Variants in IGF2R observed in about 807,000 individuals in gnomAD.
IGF2R encodes the protein cation-independent mannose-6-phosphate receptor.
In IGF2R, 91 loss-of-function variants were observed where a neutral mutation model predicts 270.6. That is an observed-to-expected ratio of 0.34 (90% CI 0.28 to 0.40). IGF2R has a LOEUF of 0.40. Ranked by LOEUF, IGF2R falls within the 10% of genes least tolerant of loss-of-function variation. IGF2R has a pLI of 1.00. For missense variants in IGF2R, 2,805 were observed against 3,188.3 expected, an observed-to-expected ratio of 0.88 and a Z score of 2.90; for synonymous variants, 1,316 against 1,258.9, an observed-to-expected ratio of 1.05 and a Z score of -0.96.
chr6:160,006,117 C>T (rs1784224569), intron 2 of IGF2R: 2 of 159,998 alleles, frequency 1.3e-5, no homozygotes, highest in Non-Finnish European at 2.7e-5. Flanking sequence ...ACCCTGCATG[C>T]CCCGTGTGCC....
rs751472792 is a variant in IGF2R, at chr6:160,073,725, G to A, written c.4948-32G>A. The A allele has an allele frequency of 1.2e-5, 19 of 1,572,712 alleles. No homozygotes were observed. In the South Asian group the frequency reaches 2.2e-4, roughly 18 times the overall value. ...TAGTGGTGATTAGGAAAATTTTTTT[G>A]TAGACTCAAAGCAGTCTTTCCTACT... is the stretch of plus-strand genomic sequence containing the variant. On this transcript the variant is annotated intron_variant, in intron 34 of 47. Transcript: ENST00000356956.
intron 12 of IGF2R, 28 bp from the exon 13 acceptor site, chr6:160,044,486 T>G (rs1381478031): frequency 1.3e-6 from 2 of 1,555,680 alleles, no homozygotes; most frequent in Non-Finnish European, 8.8e-7. Flanking sequence ...TAACCACATC[T>G]TCTGTTTTCT....
chr6:159,992,390 C>T (rs1477907207), intron 2 of IGF2R, among the ~76,000 whole-genome samples: 1 of 152,122 alleles, frequency 6.6e-6, no homozygotes, highest in Non-Finnish European at 1.5e-5. Context: ...TCTGAGTCTC[C>T]AGTGTCTGTT....
chr6:160,015,661 G>A (rs534871787), intron 4 of IGF2R, among the ~76,000 whole-genome samples: 2 of 152,288 alleles, frequency 1.3e-5, no homozygotes, highest in African/African-American at 4.8e-5. Flanking sequence ...TTGCAGCCTG[G>A]GGCAGTTTCA....
intron 19 of IGF2R, among the ~76,000 whole-genome samples, chr6:160,051,306 A>G (rs1167339308): frequency 6.6e-6 from 1 of 152,200 alleles, no homozygotes; most frequent in African/African-American, 2.4e-5. Context: ...TGAGGAAGGC[A>G]TTATCTTGTG....
intron 4 of IGF2R, among the ~76,000 whole-genome samples, chr6:160,019,619 C>A (rs145649801): frequency 6.6e-6 from 1 of 152,182 alleles, no homozygotes; most frequent in East Asian, 1.9e-4. Context: ...TAATACATCA[C>A]GATCAAGTGG....
In IGF2R at chr6:160,032,665, G is replaced by C; in HGVS notation, c.997G>C (p.Glu333Gln). The change falls in exon 8 of 48, where the codon GAG becomes CAG. Residue 333 changes from glutamate to glutamine, a missense_variant. Glu to Gln is a conservative substitution (Grantham distance 29, BLOSUM62 2). Transcript: ENST00000356956. ...AAGTAAAACTTGTTCTCTGAGCGGCGAGCAGCAGGATGTCTCCATAGACCT... is the reference window on the plus strand; with the variant it reads ...AAGTAAAACTTGTTCTCTGAGCGGCCAGCAGCAGGATGTCTCCATAGACCT... ...LESKTCSLSG[E>Q]QQDVSIDLTP... 2 of 1,614,148 alleles carry C rather than the reference G, an allele frequency of 1.2e-6. No homozygotes were observed. The highest frequency in any genetic ancestry group is 1.7e-6 in the Non-Finnish European group (2 of 1,180,030).
In IGF2R at chr6:160,078,573, T is replaced by C. The variant is rs368009544; in HGVS notation, c.5478+211T>C. Among the ~76,000 whole-genome samples, 4 of 152,202 alleles carry C rather than the reference T, an allele frequency of 2.6e-5. No homozygotes were observed. The East Asian group carries it at 7.7e-4, about 29-fold the overall frequency. On this transcript the variant is annotated intron_variant, in intron 37 of 47. Transcript: ENST00000356956. The stretch of plus-strand genomic sequence containing the variant: ...AACTCAGCGCAGCTGACACTTGCGT[T>C]GTACCTCATGGCTCTGCACTTAACG...
At chr6:159,986,559 C>T (rs746408519) in intron 1 of IGF2R, among the ~76,000 whole-genome samples, 21 of 151,910 alleles carry the variant, frequency 1.4e-4, no homozygotes, top group Admixed American at 9.2e-4. Flanking sequence ...TGTGCCACTG[C>T]GCATGGCCTG....
At chr6:160,038,892 T>G (rs1181519720) in intron 10 of IGF2R, among the ~76,000 whole-genome samples, 1 of 152,210 alleles carries the variant, frequency 6.6e-6, no homozygotes, top group Non-Finnish European at 1.5e-5. Context: ...CAATCTTGCC[T>G]TGTGGTTATG....
chr6:160,021,352 C>A (rs1250088583), intron 4 of IGF2R, among the ~76,000 whole-genome samples: 1 of 146,696 alleles, frequency 6.8e-6, no homozygotes, highest in Non-Finnish European at 1.5e-5. Flanking sequence ...GATAAAAAAC[C>A]AAACATCGTA....
intron 2 of IGF2R, among the ~76,000 whole-genome samples, chr6:159,999,970 A>G (rs374090880): frequency 2.1e-3 from 323 of 152,366 alleles, no homozygotes; most frequent in Non-Finnish European, 2.9e-3. Flanking sequence ...TCTAAAGACA[A>G]AAGACATACA....
At position 160,050,795 on chromosome 6, in the gene IGF2R, AT is replaced by A. The variant is rs1484117992; in HGVS notation, c.2694+144del. On this transcript the variant is annotated intron_variant, in intron 19 of 47. Transcript: ENST00000356956. This position sits in a 1 kb window ranked among gnomAD's most constrained non-coding sequence, Gnocchi z 4.0. ...GTTCTGCTTAAGGTCAGTGTGCGGT[AT>A]ATATGTTCACAGGCAGGGAGTGATT... is the stretch of plus-strand genomic sequence containing the variant. 1.5e-6 allele frequency: 1 copy of A among 657,578 alleles called. No homozygotes were observed. The highest frequency in any genetic ancestry group is 2.5e-6 in the Non-Finnish European group (1 of 400,066). 40.7% of individuals were successfully genotyped at this position (657,578 alleles called of 1,614,324 possible).
chr6:159,992,803 A>C (rs1301548211), intron 2 of IGF2R, among the ~76,000 whole-genome samples: 5 of 152,142 alleles, frequency 3.3e-5, no homozygotes, highest in African/African-American at 1.2e-4. Context: ...ATGGAATGGT[A>C]GTTCTATTTT....
chr6:160,008,907 A>G (rs940856992), intron 2 of IGF2R, 103 bp from the exon 3 acceptor site: 4 of 1,161,794 alleles, frequency 3.4e-6, no homozygotes, highest in Non-Finnish European at 5.0e-6. Context: ...TTTATAAGCT[A>G]TCAGATACAT....
Position 160,072,772 on chromosome 6 carries a change from G to A in IGF2R, c.4578G>A (p.Leu1526=), listed in dbSNP as rs745325394. ...CQVTNPSTGH[L]FDLSSLSGRA... ...TCTTCTTCCACCCTACAGGACACCT[G>A]TTTGATCTGAGCTCCTTAAGTGGCA... Residue 1526 remains leucine (L), a synonymous_variant, in exon 33 of 48, where the codon CTG becomes CTA. Transcript: ENST00000356956. The A allele has an allele frequency of 6.2e-7, 1 of 1,614,116 alleles. No homozygotes were observed. The highest frequency in any genetic ancestry group is 1.3e-5 in the African/African-American group (1 of 74,934).
chr6:160,018,990 A>C (rs921234563), intron 4 of IGF2R, among the ~76,000 whole-genome samples: 2 of 152,194 alleles, frequency 1.3e-5, no homozygotes, highest in Non-Finnish European at 2.9e-5. Flanking sequence ...ATGGAGACCA[A>C]AAAATGCAGT....
chr6:160,081,903 A>C lies in IGF2R; in HGVS notation c.5833+1628A>C, dbSNP rs141756243. Among the ~76,000 whole-genome samples the C allele has an allele frequency of 7.2e-5, 11 of 152,336 alleles. No individual in the cohort carries two copies. The East Asian group carries it at 2.1e-3, about 29-fold the overall frequency. ...TGTTCTTAAGGTGCCCAGATTTCATATTGTTCAAACACACATGCTTTACGA... is the reference window on the plus strand; with the variant it reads ...TGTTCTTAAGGTGCCCAGATTTCATCTTGTTCAAACACACATGCTTTACGA... On this transcript the variant is annotated intron_variant, in intron 39 of 47. Transcript: ENST00000356956.
chr6:160,052,904 C>G (rs1317714509), intron 19 of IGF2R, among the ~76,000 whole-genome samples: 3 of 152,114 alleles, frequency 2.0e-5, no homozygotes, highest in African/African-American at 4.8e-5. Context: ...AACTGGATCC[C>G]TTCCTTACAC....
Sources: gnomAD v4.1 joint callset for allele counts (sites outside exome capture counted in the v4.1 genomes callset) on GRCh38, gnomAD v4.1.1 for gene constraint, Gnocchi (gnomAD v3.1) non-coding constraint, MANE v1.5 for transcripts, NCBI Gene and HGNC (gene_info 2026-07-23, HGNC 2026-07-21) for gene names.